The following SP100 variants were observed in gnomAD, a reference collection of about 807,000 sequenced individuals.
The protein encoded by SP100 is SP100 nuclear body protein.
A neutral mutation model predicts 130.0 loss-of-function variants in SP100; 84 were observed. The observed-to-expected ratio is 0.65, with a 90% CI of 0.54 to 0.77. SP100 has a LOEUF of 0.77. Among genes scored for constraint, SP100 ranks in the 30% least tolerant of loss-of-function variants. SP100 has a pLI of 0.00. For missense variants in SP100, 978 were observed against 1,052.2 expected, an observed-to-expected ratio of 0.93 and a Z score of 0.97; for synonymous variants, 331 against 351.7, an observed-to-expected ratio of 0.94 and a Z score of 0.66.
intron 22 of SP100, among the ~76,000 whole-genome samples, 195 bp from the exon 23 acceptor site, chr2:230,507,798 T>G (rs535054456): frequency 5.3e-5 from 8 of 152,302 alleles, no homozygotes; most frequent in Non-Finnish European, 1.2e-4. Flanking sequence ...ATAGAAGTCA[T>G]GAGGCCAGAG....
intron 18 of SP100, among the ~76,000 whole-genome samples, 156 bp downstream of exon 18, chr2:230,494,616 A>G (rs1470088211): frequency 3.3e-5 from 5 of 152,152 alleles, no homozygotes; most frequent in Non-Finnish European, 7.3e-5. Flanking sequence ...CATTGTAACA[A>G]ACAGATCCCA....
At position 230,503,047 on chromosome 2, in the gene SP100, TG is replaced by T; in HGVS notation, c.1721-18del. The T allele has an allele frequency of 6.3e-7, 1 of 1,584,078 alleles. No individual in the cohort carries two copies. Among genetic ancestry groups the T allele is most frequent in the Non-Finnish European group, 8.6e-7 (1 of 1,160,226 alleles). On this transcript the variant is annotated intron_variant, in intron 19 of 28. Coordinates refer to ENST00000340126, the MANE Select transcript of SP100 (RefSeq NM_001080391.2). ...TTGCAATGTAAAGAGACATTTATGT[TG>T]TTTTTCAACTTTCTCAGGAAGAAAA...
intron 14 of SP100, 104 bp from the exon 15 acceptor site, chr2:230,469,911 C>A (rs1242477736): frequency 1.3e-6 from 2 of 1,508,516 alleles, no homozygotes; most frequent in African/African-American, 1.4e-5. Context: ...TATTTCTCCC[C>A]CTCCTCCACA....
At chr2:230,475,478 T>A (rs1331661495) in intron 17 of SP100, among the ~76,000 whole-genome samples, 1 of 152,230 alleles carries the variant, frequency 6.6e-6, no homozygotes, top group Non-Finnish European at 1.5e-5. Context: ...TTTCTCCCAT[T>A]CTGAAGGCTG....
intron 2 of SP100, among the ~76,000 whole-genome samples, chr2:230,438,588 T>G (rs1339568820): frequency 1.3e-5 from 2 of 151,116 alleles, no homozygotes; most frequent in East Asian, 3.9e-4. Context: ...TCCAGGATGC[T>G]GAGAACGCCA....
intron 2 of SP100, among the ~76,000 whole-genome samples, chr2:230,428,664 G>A (rs574761987): frequency 2.6e-5 from 4 of 152,056 alleles, no homozygotes; most frequent in Non-Finnish European, 2.9e-5. Context: ...GGATGGTCTC[G>A]ATCTCCTGAC....
intron 18 of SP100, among the ~76,000 whole-genome samples, chr2:230,497,569 A>C (rs754705535): frequency 1.2e-5 from 1 of 83,404 alleles, no homozygotes; most frequent in Non-Finnish European, 3.1e-5. Flanking sequence ...AAGGAAAGGA[A>C]AGGAAAGGAA....
intron 9 of SP100, 93 bp from the exon 10 acceptor site, chr2:230,462,342 G>C: frequency 1.1e-6 from 1 of 921,226 alleles, no homozygotes; most frequent in Non-Finnish European, 1.7e-6. Flanking sequence ...TAGCTTCCTG[G>C]GTCTTCCTAG....
At chr2:230,532,299 T>C (rs1173886439) in intron 24 of SP100, among the ~76,000 whole-genome samples, 1 of 152,134 alleles carries the variant, frequency 6.6e-6, no homozygotes, top group Non-Finnish European at 1.5e-5. Context: ...TAGGTGAGAA[T>C]AGAAATGTTT....
chr2:230,544,493 C>CTT lies in SP100; in HGVS notation c.*1557_*1558dup, dbSNP rs34345697. Among the ~76,000 whole-genome samples, 4 of 150,922 alleles carry CTT rather than the reference C, an allele frequency of 2.7e-5. No homozygotes were observed. The East Asian group carries it at 5.9e-4, about 22-fold the overall frequency. ...AAGTGGGCAAAGGACATGAAAGACA[C>CTT]TTTTTTTTTTTAAGATGGAGTTTCA... On this transcript the variant is annotated 3_prime_UTR_variant, in exon 29 of 29. Transcript: ENST00000340126.
At chr2:230,470,515 A>C in intron 15 of SP100, 1 of 684,896 alleles carries the variant, frequency 1.5e-6, no homozygotes, top group Non-Finnish European at 1.8e-6. Context: ...AAAACTTCAG[A>C]TCAAACACTC....
chr2:230,468,760 G>A (rs2065093710), intron 13 of SP100: 1 of 227,096 alleles, frequency 4.4e-6, no homozygotes, highest in African/African-American at 2.4e-5. Context: ...CAAGACTGCA[G>A]TGAGCCAAGA....
chr2:230,535,842 G>A (rs1691911140), intron 24 of SP100, among the ~76,000 whole-genome samples: 1 of 146,972 alleles, frequency 6.8e-6, no homozygotes, highest in African/African-American at 2.6e-5. Context: ...GGGAGGTGGA[G>A]GCTGCAGGGA....
At chr2:230,451,176 T>C (rs2063964043) in intron 8 of SP100, among the ~76,000 whole-genome samples, 1 of 152,248 alleles carries the variant, frequency 6.6e-6, no homozygotes, top group Non-Finnish European at 1.5e-5. Flanking sequence ...ATGGATTGTA[T>C]GGGTAGTTCT....
At position 230,449,818 on chromosome 2, in the gene SP100, G is replaced by A. The variant is rs1575627580; in HGVS notation, c.736+108G>A. 1.5e-5 allele frequency: 18 copies of A among 1,181,670 alleles called. No individual in the cohort carries two copies. The East Asian group carries it at 4.2e-4, about 28-fold the overall frequency. The allele number at this position is 1,181,670 out of a possible 1,614,324, so 73.2% of individuals were successfully genotyped here. On this transcript the variant is annotated intron_variant, in intron 7 of 28. Coordinates refer to ENST00000340126, the MANE Select transcript of SP100 (RefSeq NM_001080391.2). ...AAGGAGACACCTGTTTAACAAGCAG[G>A]GGAAAATCACATAGACACAGAGGGG...
chr2:230,509,760 G>C (rs1254902461), intron 23 of SP100: 1 of 152,190 alleles, frequency 6.6e-6, no homozygotes, highest in Non-Finnish European at 1.5e-5. Flanking sequence ...GCTGGTGATA[G>C]CTGAGATACC....
chr2:230,457,811 A>G (rs183795638), intron 8 of SP100, among the ~76,000 whole-genome samples: 2 of 152,250 alleles, frequency 1.3e-5, no homozygotes, highest in East Asian at 1.9e-4. Flanking sequence ...GGAGAGTCCT[A>G]TTCTCCCATC....
chr2:230,469,274 T>C (rs1390086689), intron 14 of SP100, among the ~76,000 whole-genome samples, 178 bp downstream of exon 14: 1 of 152,206 alleles, frequency 6.6e-6, no homozygotes, highest in Admixed American at 6.5e-5. Context: ...AGCCTCAAAA[T>C]GTTCAAAGGC....
chr2:230,457,534 C>A (rs1417354114), intron 8 of SP100, among the ~76,000 whole-genome samples: 2 of 152,144 alleles, frequency 1.3e-5, no homozygotes, highest in Non-Finnish European at 2.9e-5. Context: ...GAAGTCGGTT[C>A]TGTGGTTTGG....
Sources: gnomAD v4.1 joint callset for allele counts (sites outside exome capture counted in the v4.1 genomes callset) on GRCh38, gnomAD v4.1.1 for gene constraint, MANE v1.5 for transcripts, NCBI Gene and HGNC (gene_info 2026-07-23, HGNC 2026-07-21) for gene names.